COG5: variants seen among roughly 807,000 people sequenced by gnomAD.
COG5 encodes conserved oligomeric Golgi complex subunit 5.
A neutral mutation model predicts 110.4 loss-of-function variants in COG5; 86 were observed. That is an observed-to-expected ratio of 0.78 (90% CI 0.65 to 0.93). The LOEUF is 0.93. COG5 is among the 40% of genes least tolerant of loss of function. COG5 has a pLI of 0.00. For synonymous variants in COG5, 360 were observed against 334.6 expected, an observed-to-expected ratio of 1.08 and a Z score of -0.83; for missense variants, 1,077 against 987.0, an observed-to-expected ratio of 1.09 and a Z score of -1.22.
chr7:107,536,890 G>A (rs1003801084), intron 5 of COG5, among the ~76,000 whole-genome samples: 4 of 152,146 alleles, frequency 2.6e-5, no homozygotes, highest in Non-Finnish European at 4.4e-5. Context: ...AACCAAAACA[G>A]CATGGTACTG....
At chr7:107,475,240 C>G in intron 6 of COG5, 1 of 1,608,138 alleles carries the variant, frequency 6.2e-7, no homozygotes, top group South Asian at 1.1e-5. Context: ...AGAAGCTGAT[C>G]CCCTGCCTAA....
intron 6 of COG5, among the ~76,000 whole-genome samples, chr7:107,518,166 T>A (rs1019504032): frequency 6.6e-6 from 1 of 151,982 alleles, no homozygotes; most frequent in Non-Finnish European, 1.5e-5. Context: ...AAGCACTAAA[T>A]ATGGAAAGGA....
intron 7 of COG5, among the ~76,000 whole-genome samples, chr7:107,403,331 C>G (rs933406485): frequency 1.3e-5 from 2 of 151,666 alleles, no homozygotes; most frequent in African/African-American, 2.4e-5. Context: ...GTTCAAGGTG[C>G]CAGCAGTTTG....
intron 14 of COG5, among the ~76,000 whole-genome samples, chr7:107,267,442 TAG>T (rs1803892657): frequency 6.6e-6 from 1 of 152,196 alleles, no homozygotes; most frequent in Non-Finnish European, 1.5e-5. Context: ...TAATTAAATT[TAG>T]AGTCATAAGT....
intron 7 of COG5, among the ~76,000 whole-genome samples, chr7:107,411,345 T>G (rs1009822613): frequency 1.3e-5 from 2 of 152,164 alleles, no homozygotes; most frequent in East Asian, 3.8e-4. Flanking sequence ...TGTAGAGAAA[T>G]ACTCTTTTTT....
In COG5 at chr7:107,538,816, AAT is replaced by A. The variant is rs1801775626; in HGVS notation, c.417+9293_417+9294del. On this transcript the variant is annotated intron_variant, in intron 5 of 21. Coordinates refer to ENST00000297135, the MANE Select transcript of COG5 (RefSeq NM_006348.5). ...CGTTTGTTCTTAGCAGTCTACTCAA[AAT>A]AGTTAAAAAGTAGAAACAACCTAAA... is the stretch of plus-strand genomic sequence containing the variant. Among the ~76,000 whole-genome samples, 6 of 152,316 alleles carry A rather than the reference AAT, an allele frequency of 3.9e-5. No homozygotes were observed. In the South Asian group the frequency reaches 1.0e-3, roughly 26 times the overall value.
At chr7:107,205,729 T>C (rs926926092) in intron 21 of COG5, among the ~76,000 whole-genome samples, 1 of 152,140 alleles carries the variant, frequency 6.6e-6, no homozygotes, top group Non-Finnish European at 1.5e-5. Context: ...AATGCTCCCT[T>C]TTAAGGAAAG....
chr7:107,484,798 T>C (rs911074782), intron 6 of COG5, among the ~76,000 whole-genome samples: 1 of 152,206 alleles, frequency 6.6e-6, no homozygotes, highest in Non-Finnish European at 1.5e-5. Flanking sequence ...AATGGTTGTC[T>C]AGGTATAAAA....
rs10577186 is a variant in COG5, at chr7:107,507,469, A to ATT, written c.538+19766_538+19767dup. 3.1e-3 allele frequency among the ~76,000 whole-genome samples: 352 copies of ATT among 114,040 alleles called. 1 individual carries two copies. The highest frequency in any genetic ancestry group is 0.011 in the African/African-American group (336 of 31,154). 74.8% of individuals were successfully genotyped at this position (114,040 alleles called of 152,430 possible). On this transcript the variant is annotated intron_variant, in intron 6 of 21. Coordinates refer to ENST00000297135, the MANE Select transcript of COG5 (RefSeq NM_006348.5). The stretch of plus-strand genomic sequence containing the variant: ...CCACCATGCCCAGCTAATTTTTTGT[A>ATT]TTTTTTTTTTTTTTTTTTTAGTAGA...
chr7:107,485,855 G>C (rs1206904113), intron 6 of COG5, among the ~76,000 whole-genome samples: 2 of 152,002 alleles, frequency 1.3e-5, no homozygotes, highest in Non-Finnish European at 2.9e-5. Flanking sequence ...AGAGCAATTG[G>C]GCTCAAAGGA....
At chr7:107,427,628 G>A (rs987733552) in intron 6 of COG5, among the ~76,000 whole-genome samples, 4 of 151,828 alleles carry the variant, frequency 2.6e-5, no homozygotes, top group South Asian at 2.1e-4. Flanking sequence ...AGCTGGTGAC[G>A]CCTCCACCGA....
chr7:107,397,369 T>A (rs984996712), intron 7 of COG5, among the ~76,000 whole-genome samples: 1 of 152,104 alleles, frequency 6.6e-6, no homozygotes, highest in African/African-American at 2.4e-5. Context: ...AAGGCCTGAA[T>A]CCTTGTTGAA....
At chr7:107,404,126 C>T (rs1791637392) in intron 7 of COG5, among the ~76,000 whole-genome samples, 1 of 152,080 alleles carries the variant, frequency 6.6e-6, no homozygotes, top group African/African-American at 2.4e-5. Context: ...AATTTCACAA[C>T]TGGTAAAGAT....
At chr7:107,491,367 C>T (rs1177386528) in intron 6 of COG5, among the ~76,000 whole-genome samples, 1 of 152,026 alleles carries the variant, frequency 6.6e-6, no homozygotes, top group Non-Finnish European at 1.5e-5. Context: ...CAGCACATCC[C>T]AATAAAACAC....
chr7:107,455,650 T>TGAGA (rs968504340), intron 6 of COG5, among the ~76,000 whole-genome samples: 1 of 152,058 alleles, frequency 6.6e-6, no homozygotes. Context: ...ATAACACCTG[T>TGAGA]GAGAGAGAGA....
intron 11 of COG5, among the ~76,000 whole-genome samples, chr7:107,317,421 T>C (rs554189514): frequency 8.5e-4 from 129 of 152,142 alleles, no homozygotes; most frequent in Middle Eastern, 3.4e-3. Flanking sequence ...CTTCCAGAGT[T>C]TGGGGGAAAA....
chr7:107,400,302 G>C (rs925946737), intron 7 of COG5, among the ~76,000 whole-genome samples: 9 of 150,758 alleles, frequency 6.0e-5, no homozygotes, highest in African/African-American at 2.2e-4. Flanking sequence ...AAGAGGAAGA[G>C]CACACTGTAT....
At chr7:107,557,110 A>G (rs557645456) in intron 2 of COG5, among the ~76,000 whole-genome samples, 2 of 152,292 alleles carry the variant, frequency 1.3e-5, no homozygotes, top group South Asian at 4.2e-4. Flanking sequence ...GATTGAAATC[A>G]AATGATACAT....
chr7:107,560,029 C>T (rs1803650844), intron 1 of COG5, among the ~76,000 whole-genome samples: 1 of 152,164 alleles, frequency 6.6e-6, no homozygotes. Context: ...GAACAATAAT[C>T]CTGGCAGCTG....
Sources: allele counts gnomAD v4.1 joint callset (sites outside exome capture counted in the v4.1 genomes callset), GRCh38; gene constraint gnomAD v4.1.1; transcripts MANE v1.5; gene names NCBI Gene and HGNC (gene_info 2026-07-23, HGNC 2026-07-21).